SH2B2: variants seen among roughly 807,000 people sequenced by gnomAD.
SH2B2 encodes the protein SH2B adaptor protein 2, also known as SH2B adapter protein 2.
A neutral mutation model predicts 35.7 loss-of-function variants in SH2B2; 37 were observed. That is an observed-to-expected ratio of 1.04 (90% CI 0.80 to 1.36). The LOEUF (loss-of-function observed/expected upper bound fraction) is 1.36. Among genes scored for constraint, SH2B2 ranks in the 40% most tolerant of loss-of-function variants. SH2B2 has a pLI of 0.00. For missense variants in SH2B2, 852 were observed against 817.7 expected (o/e 1.04, Z -0.51); for synonymous variants, 383 against 376.4 (o/e 1.02, Z -0.20).
intron 1 of SH2B2, among the ~76,000 whole-genome samples, chr7:102,296,299 G>A (rs2132930449): frequency 6.6e-6 from 1 of 152,342 alleles, no homozygotes; most frequent in East Asian, 1.9e-4. Context: ...GGATCCCAGA[G>A]GAGAGATGAG....
At chr7:102,306,947 C>G (rs532594513) in intron 3 of SH2B2, 125 bp downstream of exon 3, 2 of 747,516 alleles carry the variant, frequency 2.7e-6, no homozygotes, top group East Asian at 5.4e-5. Flanking sequence ...GGGAGGGAGC[C>G]CTGGTGTGGG....
At position 102,320,394 on chromosome 7, in the gene SH2B2, G is replaced by C. The variant is rs1794008311; in HGVS notation, c.1459G>C (p.Val487Leu). 1.9e-6 allele frequency: 3 copies of C among 1,613,478 alleles called. No homozygotes were observed. In the South Asian group the frequency reaches 3.3e-5, roughly 18 times the overall value. The stretch of plus-strand genomic sequence containing the variant: ...CGTACAGCATCTGTGGTTCCAGTCT[G>C]TGCTTGACATGCTCCGCCACTTCCA... ...CHVQHLWFQS[V>L]LDMLRHFHTH... The change falls in exon 8 of 9, where the codon GTG becomes CTG. Residue 487 changes from valine to leucine, a missense_variant. Around this residue, in one of 3 missense-constraint regions of SH2B2, gnomAD observed 556 missense variants for 514.5 expected, o/e 1.08. Coordinates refer to ENST00000444095, the MANE Select transcript of SH2B2 (RefSeq NM_001359228.2).
At position 102,301,271 on chromosome 7, in the gene SH2B2, C is replaced by G; in HGVS notation, c.721C>G (p.Pro241Ala). Reference sequence around the variant, plus strand: ...ACGCTTCCGCCTGGAGTTCTTCGTGCCGCCCAAAGTGAGTTACCCCATAAT... The same window carrying G: ...ACGCTTCCGCCTGGAGTTCTTCGTGGCGCCCAAAGTGAGTTACCCCATAAT... ...EERFRLEFFV[P>A]PKASRPKVSI... The change falls in exon 2 of 9, where the codon CCG (proline) becomes GCG (alanine). Residue 241 changes from proline to alanine, a missense_variant. By Grantham distance (27) the Pro-to-Ala change is conservative. Transcript: ENST00000444095. 6.2e-7 allele frequency: 1 copy of G among 1,603,292 alleles called. No individual in the cohort carries two copies. Among genetic ancestry groups the G allele is most frequent in the South Asian group, 1.1e-5 (1 of 89,798 alleles).
At chr7:102,313,282 C>CAA (rs1362073584) in intron 4 of SH2B2, among the ~76,000 whole-genome samples, 14 of 114,826 alleles carry the variant, frequency 1.2e-4, no homozygotes, top group African/African-American at 2.6e-4. Context: ...GCAAAAAATA[C>CAA]AAAAAAAAAA....
At chr7:102,291,249 C>T (rs1264934977) in intron 1 of SH2B2, among the ~76,000 whole-genome samples, 1 of 152,180 alleles carries the variant, frequency 6.6e-6, no homozygotes, top group East Asian at 1.9e-4. Context: ...TCTGCAAAAG[C>T]CGGGGGGCTC....
At position 102,297,746 on chromosome 7, in the gene SH2B2, G is replaced by A. The variant is rs1036497625; in HGVS notation, c.-29-2776G>A. 1.3e-5 allele frequency among the ~76,000 whole-genome samples: 2 copies of A among 151,942 alleles called. No homozygotes were observed. Among genetic ancestry groups the A allele is most frequent in the African/African-American group, 4.8e-5 (2 of 41,356 alleles). Reference sequence around the variant, plus strand: ...TATGCCCAGCACTGAGGACACAGCCGCTTCTAGGACTGGCAAAATCCCTGC... The same window carrying A: ...TATGCCCAGCACTGAGGACACAGCCACTTCTAGGACTGGCAAAATCCCTGC... On this transcript the variant is annotated intron_variant, in intron 1 of 8. Transcript: ENST00000444095. The surrounding 1 kb of genome is among the most constrained non-coding windows in gnomAD (Gnocchi z 4.3).
intron 2 of SH2B2, among the ~76,000 whole-genome samples, chr7:102,302,118 C>A (rs960144778): frequency 1.3e-5 from 2 of 152,228 alleles, no homozygotes; most frequent in Admixed American, 1.3e-4. Context: ...ACCTTGGCCT[C>A]CCAAAGTGCT....
chr7:102,306,811 T>G lies in SH2B2; in HGVS notation c.820T>G (p.Phe274Val), dbSNP rs781919083. ...PLEMPEKDNT[F>V]VLKVENGAEY... The stretch of plus-strand genomic sequence containing the variant: ...GGAAATGCCAGAGAAGGATAACACA[T>G]TCGTCCTCAAGGTGAGGTCTCACCC... The change falls in exon 3 of 9, where the codon TTC becomes GTC. Residue 274 changes from phenylalanine (F) to valine (V), a missense_variant. Phe to Val is a conservative substitution (Grantham distance 50). Around this residue, in one of 3 missense-constraint regions of SH2B2, gnomAD observed 556 missense variants for 514.5 expected, o/e 1.08. Transcript: ENST00000444095. The G allele has an allele frequency of 6.3e-7, 1 of 1,583,628 alleles. No homozygotes were observed. The highest frequency in any genetic ancestry group is 1.2e-5 in the South Asian group (1 of 86,192).
At chr7:102,320,213 C>A (rs1793999629) in intron 7 of SH2B2, 118 bp from the exon 8 acceptor site, 1 of 849,252 alleles carries the variant, frequency 1.2e-6, no homozygotes, top group East Asian at 2.5e-5. Context: ...GGGCCCCCGG[C>A]CCTGACACAG....
chr7:102,301,021 G>C lies in SH2B2; in HGVS notation c.471G>C (p.Ser157=). 1 of 1,391,012 alleles carries C rather than the reference G, an allele frequency of 7.2e-7. No individual in the cohort carries two copies. Among genetic ancestry groups the C allele is most frequent in the Non-Finnish European group, 9.3e-7 (1 of 1,075,000 alleles). The allele number at this position is 1,391,012 out of a possible 1,614,324, so 86.2% of individuals were successfully genotyped here. Residue 157 remains serine, a synonymous_variant, in exon 2 of 9, where the codon TCG becomes TCC. Coordinates refer to ENST00000444095, the MANE Select transcript of SH2B2 (RefSeq NM_001359228.2). The part of the protein sequence containing the change: ...GVRDMWHRRA[S]PEPDAAAAPR... ...GCGACATGTGGCACCGGCGCGCCTC[G>C]CCCGAGCCCGACGCGGCAGCTGCCC... is the stretch of plus-strand genomic sequence containing the variant.
intron 7 of SH2B2, 35 bp from the exon 8 acceptor site, chr7:102,320,296 G>T: frequency 6.4e-7 from 1 of 1,574,530 alleles, no homozygotes; most frequent in South Asian, 1.1e-5. Flanking sequence ...CCCAGCCCCG[G>T]ACCTGCCCCT....
intron 4 of SH2B2, chr7:102,309,354 T>G: frequency 4.3e-6 from 1 of 235,236 alleles, no homozygotes; most frequent in South Asian, 3.3e-5. Flanking sequence ...TCTCTCTCTC[T>G]CTTTTTTTTT....
chr7:102,290,518 G>A (rs191649287), intron 1 of SH2B2, among the ~76,000 whole-genome samples: 74 of 152,204 alleles, frequency 4.9e-4, no homozygotes, highest in Non-Finnish European at 9.1e-4. Flanking sequence ...GCCCTCCTCG[G>A]CCTCCCAAAG....
chr7:102,311,366 T>C (rs1586595051), intron 4 of SH2B2, among the ~76,000 whole-genome samples: 1 of 151,998 alleles, frequency 6.6e-6, no homozygotes, highest in African/African-American at 2.4e-5. Context: ...GCAATTCTCC[T>C]GCCTCAGCCT....
upstream of SH2B2, among the ~76,000 whole-genome samples, chr7:102,285,482 T>C (rs969423352): frequency 6.6e-6 from 1 of 152,230 alleles, no homozygotes; most frequent in Admixed American, 6.5e-5. Flanking sequence ...TCTGCTGGCC[T>C]GGTCCTGCGG....
At chr7:102,316,912 G>A (rs1255805837) in intron 6 of SH2B2, among the ~76,000 whole-genome samples, 3 of 151,834 alleles carry the variant, frequency 2.0e-5, no homozygotes, top group East Asian at 3.9e-4. Flanking sequence ...CCAGCTACTC[G>A]GGAGGCTGAG....
At chr7:102,320,278 C>G in intron 7 of SH2B2, 53 bp from the exon 8 acceptor site, 1 of 1,464,006 alleles carries the variant, frequency 6.8e-7, no homozygotes. Flanking sequence ...AAGGCGCTTA[C>G]CCAGGTGCCC....
intron 1 of SH2B2, among the ~76,000 whole-genome samples, chr7:102,296,950 C>T (rs1454428792): frequency 2.0e-5 from 3 of 151,856 alleles, no homozygotes; most frequent in African/African-American, 7.3e-5. Context: ...CTGCACTCCA[C>T]CCTGGGAGAC....
At chr7:102,288,382 A>G (rs1390279809) in intron 1 of SH2B2, among the ~76,000 whole-genome samples, 1 of 152,098 alleles carries the variant, frequency 6.6e-6, no homozygotes, top group Non-Finnish European at 1.5e-5. Context: ...TCTCAGAGAC[A>G]GTTTCCCACC....
Sources: gnomAD v4.1 joint callset for allele counts (sites outside exome capture counted in the v4.1 genomes callset) on GRCh38, gnomAD v4.1.1 for gene constraint, gnomAD v4.1.1 regional missense constraint, Gnocchi (gnomAD v3.1) non-coding constraint, MANE v1.5 for transcripts, NCBI Gene and HGNC (gene_info 2026-07-23, HGNC 2026-07-21) for gene names.